KLHL5: variants seen among roughly 807,000 people sequenced by gnomAD.
The protein encoded by KLHL5 is kelch-like protein 5.
Under a neutral mutation model 77.7 loss-of-function variants are expected in KLHL5, and 48 were observed. The observed-to-expected ratio is 0.62, with a 90% CI of 0.49 to 0.79. The LOEUF (loss-of-function observed/expected upper bound fraction) is 0.79, where lower values mean the gene tolerates loss of function less well. Among genes scored for constraint, KLHL5 ranks in the 30% least tolerant of loss-of-function variants. KLHL5 has a pLI of 0.00. For missense variants in KLHL5, 723 were observed against 859.7 expected, an observed-to-expected ratio of 0.84 and a Z score of 1.99; for synonymous variants, 260 against 297.0, an observed-to-expected ratio of 0.88 and a Z score of 1.28.
chr4:39,061,804 C>CAT, upstream of KLHL5, among the ~76,000 whole-genome samples: 1 of 152,306 alleles, frequency 6.6e-6, no homozygotes, highest in East Asian at 1.9e-4. Context: ...ATCCTGGCCT[C>CAT]AGTTTATTTG....
intron 1 of KLHL5, among the ~76,000 whole-genome samples, chr4:39,065,613 C>T (rs1717830404): frequency 1.3e-5 from 2 of 152,104 alleles, no homozygotes; most frequent in African/African-American, 4.8e-5. Context: ...GTCCGCCTCC[C>T]AAAGTGCTGG....
rs558911357 is a variant in KLHL5 at position 39,117,849 on chromosome 4, C to T, written c.2073+2519C>T. On this transcript the variant is annotated intron_variant, in intron 10 of 10. Transcript: ENST00000504108. ...CAACACTTTGGGAGGCCAAGGTCGG[C>T]GGATCTTTTGGGGCCAGGAGTTCGA... Among the ~76,000 whole-genome samples the T allele has an allele frequency of 1.1e-4, 16 of 152,076 alleles. No individual in the cohort carries two copies. In the South Asian group the frequency reaches 2.9e-3, roughly 28 times the overall value.
intron 1 of KLHL5, among the ~76,000 whole-genome samples, chr4:39,069,567 T>TATATATATAA (rs1482555197): frequency 3.0e-5 from 3 of 101,266 alleles, no homozygotes; most frequent in Admixed American, 1.1e-4. Context: ...TATATATATA[T>TATATATATAA]AAACCATAGA....
chr4:39,073,639 AT>A (rs1459012831), intron 1 of KLHL5, among the ~76,000 whole-genome samples: 1 of 151,570 alleles, frequency 6.6e-6, no homozygotes, highest in Non-Finnish European at 1.5e-5. Flanking sequence ...AGTTATTATT[AT>A]TTTTATTTAT....
At chr4:39,087,275 A>G (rs1720139048) in intron 5 of KLHL5, among the ~76,000 whole-genome samples, 1 of 152,062 alleles carries the variant, frequency 6.6e-6, no homozygotes, top group Non-Finnish European at 1.5e-5. Context: ...AACCTATCCT[A>G]CCAATTGGAG....
chr4:39,102,226 A>G (rs937114957), intron 6 of KLHL5, among the ~76,000 whole-genome samples: 1 of 151,718 alleles, frequency 6.6e-6, no homozygotes, highest in Non-Finnish European at 1.5e-5. Context: ...GGCTTACATG[A>G]TGTATTAGAA....
intron 6 of KLHL5, among the ~76,000 whole-genome samples, chr4:39,097,479 T>C (rs1367166469): frequency 1.3e-5 from 2 of 152,184 alleles, no homozygotes; most frequent in East Asian, 3.8e-4. Context: ...TCAAAGATAA[T>C]GTTGACAGAA....
chr4:39,099,330 G>C (rs926111920), intron 6 of KLHL5, among the ~76,000 whole-genome samples: 6 of 152,034 alleles, frequency 3.9e-5, no homozygotes, highest in Non-Finnish European at 5.9e-5. Flanking sequence ...TAAACACTAT[G>C]CACAGTGCCT....
chr4:39,103,155 G>A, intron 6 of KLHL5, 132 bp from the exon 7 acceptor site: 1 of 756,212 alleles, frequency 1.3e-6, no homozygotes, highest in Non-Finnish European at 2.1e-6. Context: ...AGATCATGCA[G>A]GACCTTCATG....
intron 7 of KLHL5, 101 bp from the exon 8 acceptor site, chr4:39,107,467 AT>A: frequency 3.2e-6 from 2 of 626,236 alleles, no homozygotes; most frequent in Non-Finnish European, 4.6e-6. Context: ...ACTCAGTTCT[AT>A]TTGTATGTTT....
At position 39,115,336 on chromosome 4, in the gene KLHL5, G is replaced by T. The variant is rs1165832201; in HGVS notation, c.2073+6G>T. 1 of 1,613,660 alleles carries T rather than the reference G, an allele frequency of 6.2e-7. No individual in the cohort carries two copies. The highest frequency in any genetic ancestry group is 1.1e-5 in the South Asian group (1 of 91,062). The stretch of plus-strand genomic sequence containing the variant: ...AGACAAATGAGTGGACCCAGGTATG[G>T]CATTCATGTTTCATTATTACACTGA... On this transcript the variant is annotated splice_donor_region_variant and intron_variant, in intron 10 of 10. Transcript: ENST00000504108.
intron 9 of KLHL5, among the ~76,000 whole-genome samples, chr4:39,114,720 G>A (rs1722712985): frequency 1.3e-5 from 2 of 152,124 alleles, no homozygotes; most frequent in African/African-American, 2.4e-5. Flanking sequence ...CAGATTTTAG[G>A]GGCAGTATCA....
At position 39,125,646 on chromosome 4, in the gene KLHL5, C is replaced by T. The variant is rs1296779746; in HGVS notation, c.*4580C>T. On this transcript the variant is annotated 3_prime_UTR_variant, in exon 11 of 11. Transcript: ENST00000504108. ...ATTTATATGAAATATCCAAAATAGGCAAATCCATGGAGACAGAAAGCAGAT... is the reference window on the plus strand; with the variant it reads ...ATTTATATGAAATATCCAAAATAGGTAAATCCATGGAGACAGAAAGCAGAT... Among the ~76,000 whole-genome samples, 1 of 152,102 alleles carries T rather than the reference C, an allele frequency of 6.6e-6. No individual in the cohort carries two copies. The highest frequency in any genetic ancestry group is 1.5e-5 in the Non-Finnish European group (1 of 68,028).
At chr4:39,112,738 T>C (rs1466168014) in intron 8 of KLHL5, 9 of 371,056 alleles carry the variant, frequency 2.4e-5, no homozygotes, top group Non-Finnish European at 4.5e-5. Flanking sequence ...TCCATGCATA[T>C]TACAACCAAT....
At chr4:39,128,754 G>A (rs957460376), downstream of KLHL5, among the ~76,000 whole-genome samples, 2 of 152,082 alleles carry the variant, frequency 1.3e-5, no homozygotes, top group Non-Finnish European at 2.9e-5. Context: ...CTTGAGGCCA[G>A]GAGTTCGAGA....
At chr4:39,103,236 C>T (rs1303944520) in intron 6 of KLHL5, 51 bp from the exon 7 acceptor site, 7 of 1,263,192 alleles carry the variant, frequency 5.5e-6, no homozygotes, top group Middle Eastern at 2.4e-4. Context: ...CATAAAATTA[C>T]CAATCATGGT....
chr4:39,084,452 T>C lies in KLHL5; in HGVS notation c.901-2063T>C, dbSNP rs111309974. ...AAATAAAAACATTTAATTTTAAAACTTAAAATTGTCTTTCTCAATCTAGAA... is the reference window on the plus strand; with the variant it reads ...AAATAAAAACATTTAATTTTAAAACCTAAAATTGTCTTTCTCAATCTAGAA... On this transcript the variant is annotated intron_variant, in intron 4 of 10. Coordinates refer to ENST00000504108, the MANE Select transcript of KLHL5 (RefSeq NM_015990.5). Among the ~76,000 whole-genome samples the C allele has an allele frequency of 1.7e-3, 260 of 152,320 alleles. 1 individual carries two copies. Among genetic ancestry groups the C allele is most frequent in the African/African-American group, 5.9e-3 (247 of 41,578 alleles).
Position 39,103,396 on chromosome 4 carries a change from G to C in KLHL5, c.1410G>C (p.Leu470=), listed in dbSNP as rs138600627. The part of the protein sequence containing the change: ...QFGVAVLDDK[L]YVVGGRDGLK... The stretch of plus-strand genomic sequence containing the variant: ...GTGTTGCAGTGCTAGATGACAAACT[G>C]TATGTGGTTGGAGGAAGAGATGGAC... The change falls in exon 7 of 11, where the codon CTG becomes CTC. Residue 470 remains leucine, a synonymous_variant. Transcript: ENST00000504108. The C allele has an allele frequency of 5.1e-4, 831 of 1,614,150 alleles. 1 individual carries two copies. Among genetic ancestry groups the C allele is most frequent in the Middle Eastern group, 4.3e-3 (26 of 6,062 alleles).
rs1722389363 is a variant in KLHL5, at chr4:39,110,643, T to G, written c.1689-2377T>G. Among the ~76,000 whole-genome samples the G allele has an allele frequency of 2.0e-5, 3 of 152,020 alleles. No homozygotes were observed. In the South Asian group the frequency reaches 6.2e-4, roughly 32 times the overall value. On this transcript the variant is annotated intron_variant, in intron 8 of 10. Coordinates refer to ENST00000504108, the MANE Select transcript of KLHL5 (RefSeq NM_015990.5). ...ATGCCTGGCTAATTTTAAAAAAAATTTTTTTGTAGAGATGGGATCTCACTG... is the reference window on the plus strand; with the variant it reads ...ATGCCTGGCTAATTTTAAAAAAAATGTTTTTGTAGAGATGGGATCTCACTG...
Sources: allele counts gnomAD v4.1 joint callset (sites outside exome capture counted in the v4.1 genomes callset), GRCh38; gene constraint gnomAD v4.1.1; transcripts MANE v1.5; gene names NCBI Gene and HGNC (gene_info 2026-07-23, HGNC 2026-07-21).